Variants in SYK observed in about 807,000 individuals in gnomAD.
SYK encodes spleen associated tyrosine kinase, also known as tyrosine-protein kinase SYK.
SYK carries 16 observed loss-of-function variants against 77.8 expected under a neutral mutation model. The ratio of observed to expected loss-of-function variants is 0.21; its 90% confidence interval spans 0.14 to 0.31. The LOEUF is 0.31. SYK is among the 10% of genes least tolerant of loss of function. The probability of loss-of-function intolerance (pLI) is 1.00; values close to 1 mark genes in which losing one functional copy is unlikely to be tolerated. For missense variants in SYK, 529 were observed against 814.4 expected (o/e 0.65, Z 4.26); for synonymous variants, 312 against 308.7 (o/e 1.01, Z -0.11).
At chr9:90,894,234 A>T (rs148801240) in intron 13 of SYK, among the ~76,000 whole-genome samples, 21 of 152,286 alleles carry the variant, frequency 1.4e-4, no homozygotes, top group African/African-American at 5.1e-4. Flanking sequence ...AGCAAGACAG[A>T]GGCTGTCCCT....
intron 2 of SYK, 129 bp downstream of exon 2, chr9:90,844,444 A>T: frequency 8.6e-7 from 1 of 1,167,118 alleles, no homozygotes; most frequent in African/African-American, 1.6e-5. Flanking sequence ...CTCCTTAAGC[A>T]TCAATTTTGG....
At chr9:90,826,441 C>T (rs1825669600) in intron 1 of SYK, among the ~76,000 whole-genome samples, 1 of 152,270 alleles carries the variant, frequency 6.6e-6, no homozygotes, top group Non-Finnish European at 1.5e-5. Context: ...CCAACCTCTT[C>T]TGTGGCTGAA....
chr9:90,884,472 TATACATACACACAC>T (rs1448024019), intron 11 of SYK, among the ~76,000 whole-genome samples: 1 of 41,696 alleles, frequency 2.4e-5, no homozygotes, highest in African/African-American at 2.4e-4. Flanking sequence ...TGTGTGTACA[TATACATACACACAC>T]ATACACATAT....
intron 6 of SYK, among the ~76,000 whole-genome samples, chr9:90,866,741 AT>A (rs1400720069): frequency 6.6e-6 from 1 of 152,192 alleles, no homozygotes. Context: ...TTTCCACAAA[AT>A]TTTCCACCGT....
chr9:90,887,707 A>G (rs750158271), intron 11 of SYK, 42 bp from the exon 12 acceptor site: 2 of 1,569,614 alleles, frequency 1.3e-6, no homozygotes, highest in East Asian at 2.3e-5. Context: ...CCGGCCCACA[A>G]TTTTATTCTT....
intron 1 of SYK, among the ~76,000 whole-genome samples, chr9:90,836,195 G>A (rs1475693560): frequency 6.6e-6 from 1 of 151,802 alleles, no homozygotes; most frequent in Non-Finnish European, 1.5e-5. Flanking sequence ...GCTGAGGCAG[G>A]AGAACAGCGT....
intron 1 of SYK, among the ~76,000 whole-genome samples, chr9:90,823,937 A>C (rs945989540): frequency 6.6e-6 from 1 of 152,078 alleles, no homozygotes; most frequent in African/African-American, 2.4e-5. Flanking sequence ...AAAACAGTAG[A>C]GAAAAGTCAA....
intron 7 of SYK, among the ~76,000 whole-genome samples, chr9:90,867,407 G>C (rs970971190): frequency 4.6e-5 from 7 of 152,204 alleles, no homozygotes; most frequent in African/African-American, 1.4e-4. Context: ...TCCTCAGTCC[G>C]TCAGCTGGAA....
At chr9:90,840,120 T>C (rs1462952542) in intron 1 of SYK, among the ~76,000 whole-genome samples, 1 of 152,080 alleles carries the variant, frequency 6.6e-6, no homozygotes, top group Non-Finnish European at 1.5e-5. Context: ...CAAGGGCGCC[T>C]GGAAAACGAA....
intron 7 of SYK, among the ~76,000 whole-genome samples, chr9:90,869,400 AT>A (rs2118841070): frequency 6.6e-6 from 1 of 152,348 alleles, no homozygotes; most frequent in East Asian, 1.9e-4. Context: ...AAGGCCAAAA[AT>A]ATCAACAGAT....
intron 1 of SYK, among the ~76,000 whole-genome samples, chr9:90,832,465 C>A (rs1476880664): frequency 6.6e-6 from 1 of 152,214 alleles, no homozygotes; most frequent in East Asian, 1.9e-4. Context: ...GGCAGCTAGT[C>A]CTCTAACCAT....
intron 3 of SYK, among the ~76,000 whole-genome samples, chr9:90,849,334 C>T (rs1370483533): frequency 6.6e-6 from 1 of 152,212 alleles, no homozygotes; most frequent in East Asian, 1.9e-4. Flanking sequence ...CTGTCCACCC[C>T]ACCCACCGTG....
At chr9:90,812,095 G>A (rs1204707405) in intron 1 of SYK, among the ~76,000 whole-genome samples, 1 of 148,364 alleles carries the variant, frequency 6.7e-6, no homozygotes, top group Non-Finnish European at 1.5e-5. Flanking sequence ...ATCTGGAAGT[G>A]TAAGCACCAA....
chr9:90,859,240 C>T lies in SYK; in HGVS notation c.579-2966C>T, dbSNP rs976330658. 6.6e-5 allele frequency among the ~76,000 whole-genome samples: 10 copies of T among 152,332 alleles called. 1 individual carries two copies. The highest frequency in any genetic ancestry group is 6.5e-5 in the Admixed American group (1 of 15,310). On this transcript the variant is annotated intron_variant, in intron 3 of 13. Coordinates refer to ENST00000375754, the MANE Select transcript of SYK (RefSeq NM_003177.7). The stretch of plus-strand genomic sequence containing the variant: ...CATACCCATCTGTACAGCTGGCCTC[C>T]TGGGAGGCACCACCTCCTGAACTCT...
intron 11 of SYK, among the ~76,000 whole-genome samples, chr9:90,879,944 T>G (rs1564116775): frequency 6.6e-6 from 1 of 152,248 alleles, no homozygotes; most frequent in South Asian, 2.1e-4. Flanking sequence ...ATCTTCATAT[T>G]AACTCATCTG....
intron 11 of SYK, among the ~76,000 whole-genome samples, chr9:90,884,155 A>ATATATATATATACACATACGTGTG (rs1828275216): frequency 1.1e-5 from 1 of 95,170 alleles, no homozygotes. Flanking sequence ...GTGTGTGTGT[A>ATATATATATATACACATACGTGTG]TATATACACA....
At chr9:90,860,264 A>G (rs1827205088) in intron 3 of SYK, among the ~76,000 whole-genome samples, 1 of 152,258 alleles carries the variant, frequency 6.6e-6, no homozygotes, top group Non-Finnish European at 1.5e-5. Context: ...GCCAACTTTT[A>G]TAGGCATATG....
intron 3 of SYK, among the ~76,000 whole-genome samples, chr9:90,851,297 CT>C (rs1010308604): frequency 5.3e-5 from 8 of 152,222 alleles, no homozygotes; most frequent in Non-Finnish European, 1.2e-4. Context: ...CGTCCATCAG[CT>C]TTCCCCTCTC....
intron 1 of SYK, among the ~76,000 whole-genome samples, chr9:90,811,409 A>G (rs557231864): frequency 1.3e-5 from 2 of 152,358 alleles, no homozygotes; most frequent in African/African-American, 4.8e-5. Context: ...AACCTATCAC[A>G]CATATAAATT....
Sources: allele counts gnomAD v4.1 joint callset (sites outside exome capture counted in the v4.1 genomes callset), GRCh38; gene constraint gnomAD v4.1.1; transcripts MANE v1.5; gene names NCBI Gene and HGNC (gene_info 2026-07-23, HGNC 2026-07-21).